Variants in RAPGEF1 observed in about 807,000 individuals in gnomAD.
The protein encoded by RAPGEF1 is Rap guanine nucleotide exchange factor 1, also known as CRK SH3-binding GNRP.
Under a neutral mutation model 143.3 loss-of-function variants are expected in RAPGEF1, and 33 were observed. That is an observed-to-expected ratio of 0.23 (90% confidence interval 0.17 to 0.31). The LOEUF is 0.31. Among genes scored for constraint, RAPGEF1 ranks in the 10% least tolerant of loss-of-function variants. The probability of loss-of-function intolerance (pLI) is 1.00; values close to 1 mark genes in which losing one functional copy is unlikely to be tolerated. For missense variants in RAPGEF1, 1,199 were observed against 1,645.4 expected, an observed-to-expected ratio of 0.73 and a Z score of 4.69; for synonymous variants, 629 against 676.5, an observed-to-expected ratio of 0.93 and a Z score of 1.09.
Position 131,634,114 on chromosome 9 carries a change from G to T in RAPGEF1, c.652-3790C>A, listed in dbSNP as rs117668203. ...CTGCCTCTACAAAAATTAGTTGGAC[G>T]TGGTGGCATGCACCTGTGGTCCCAG... On this transcript the variant is annotated intron_variant, in intron 5 of 26. Coordinates refer to ENST00000683357, the MANE Select transcript of RAPGEF1 (RefSeq NM_001377935.1). Among the ~76,000 whole-genome samples the T allele has an allele frequency of 3.4e-3, 511 of 152,220 alleles. 14 individuals are homozygous for T. Among genetic ancestry groups the T allele is most frequent in the Admixed American group, 0.029 (440 of 15,290 alleles).
intron 1 of RAPGEF1, among the ~76,000 whole-genome samples, chr9:131,670,782 G>T (rs767736112): frequency 3.3e-5 from 5 of 152,186 alleles, no homozygotes; most frequent in Non-Finnish European, 7.3e-5. Flanking sequence ...AAAAATAATG[G>T]GTTGGGGAAG....
intron 11 of RAPGEF1, among the ~76,000 whole-genome samples, chr9:131,620,098 C>T (rs561668861): frequency 6.6e-6 from 1 of 152,218 alleles, no homozygotes; most frequent in East Asian, 1.9e-4. Flanking sequence ...AACAGGCCTC[C>T]GGGGGCTGAG....
At chr9:131,637,225 A>G (rs1966610485) in intron 5 of RAPGEF1, among the ~76,000 whole-genome samples, 2 of 150,648 alleles carry the variant, frequency 1.3e-5, no homozygotes, top group South Asian at 4.2e-4. Flanking sequence ...ATTCCGTCTC[A>G]GAGAAAAAAA....
Position 131,628,755 on chromosome 9 carries a change from G to A in RAPGEF1, c.894-83C>T. On this transcript the variant is annotated intron_variant, in intron 7 of 26. Coordinates refer to ENST00000683357, the MANE Select transcript of RAPGEF1 (RefSeq NM_001377935.1). This position sits in a 1 kb window ranked among gnomAD's most constrained non-coding sequence, Gnocchi z 5.7. ...GTGATATTGGGGTACAGGATGTGGG[G>A]TTCTTTCATTACTAGACTCTCCACA... The A allele has an allele frequency of 4.7e-6, 7 of 1,495,364 alleles. No homozygotes were observed. Among genetic ancestry groups the A allele is most frequent in the Non-Finnish European group, 6.3e-6 (7 of 1,114,286 alleles). 92.6% of individuals were successfully genotyped at this position (1,495,364 alleles called of 1,614,324 possible).
At chr9:131,579,668 CA>C (rs1310374470) in intron 26 of RAPGEF1, 21 bp from the exon 27 acceptor site, 2 of 1,611,200 alleles carry the variant, frequency 1.2e-6, no homozygotes, top group African/African-American at 2.7e-5. Context: ...GGATGGGGAG[CA>C]GTCAGTGAGC....
chr9:131,720,879 CA>C (rs1836214957), intron 1 of RAPGEF1, among the ~76,000 whole-genome samples: 1 of 152,170 alleles, frequency 6.6e-6, no homozygotes, highest in Non-Finnish European at 1.5e-5. Context: ...CTTAAATTGA[CA>C]AAAATACTAA....
intron 17 of RAPGEF1, among the ~76,000 whole-genome samples, chr9:131,592,708 C>T (rs1442150437): frequency 6.6e-6 from 1 of 152,086 alleles, no homozygotes; most frequent in Non-Finnish European, 1.5e-5. Flanking sequence ...TCAGCAGGAT[C>T]CTGAAATGAA....
At chr9:131,614,736 G>A (rs1157602694) in intron 12 of RAPGEF1, among the ~76,000 whole-genome samples, 10 of 152,194 alleles carry the variant, frequency 6.6e-5, no homozygotes, top group African/African-American at 2.4e-5. Flanking sequence ...CTCAGAAAAC[G>A]ACTGTTTTGC....
intron 1 of RAPGEF1, among the ~76,000 whole-genome samples, chr9:131,672,489 G>A (rs541352395): frequency 1.3e-5 from 2 of 152,308 alleles, no homozygotes; most frequent in South Asian, 2.1e-4. Context: ...GGGTCTCTGG[G>A]GAAGGGACCC....
chr9:131,631,404 C>T (rs942070819), intron 5 of RAPGEF1, among the ~76,000 whole-genome samples: 4 of 152,360 alleles, frequency 2.6e-5, no homozygotes, highest in East Asian at 1.9e-4. Flanking sequence ...CTCCGTCCCC[C>T]GAGCTCAGCG....
intron 12 of RAPGEF1, among the ~76,000 whole-genome samples, chr9:131,614,149 C>A (rs952941015): frequency 3.3e-5 from 5 of 151,922 alleles, no homozygotes; most frequent in South Asian, 2.1e-4. Context: ...CACCCCCCCC[C>A]AAGGAGGGGC....
Position 131,584,572 on chromosome 9 carries a change from C to G in RAPGEF1, c.3258G>C (p.Gln1086His), listed in dbSNP as rs1194000623. 4 of 1,613,982 alleles carry G rather than the reference C, an allele frequency of 2.5e-6. No homozygotes were observed. The South Asian group carries it at 3.3e-5, about 13-fold the overall frequency. Residue 1086 changes from glutamine (Q) to histidine (H), a missense_variant, in exon 23 of 27, where the codon CAG becomes CAC. By Grantham distance (24) the Gln-to-His change is conservative (BLOSUM62 0). Coordinates refer to ENST00000683357, the MANE Select transcript of RAPGEF1 (RefSeq NM_001377935.1). The surrounding 1 kb of genome is among the most constrained non-coding windows in gnomAD (Gnocchi z 6.8). ...GCCGTTCCCTGTCCTGGGCCTTTTC[C>G]TGTAACATGATTATGGACCGGACCC... ...SYWVRSIIML[Q>H]EKAQDRERLL...
chr9:131,739,086 G>A (rs1291712053), intron 1 of RAPGEF1, among the ~76,000 whole-genome samples: 1 of 152,164 alleles, frequency 6.6e-6, no homozygotes, highest in African/African-American at 2.4e-5. Context: ...AATCTTTGGA[G>A]ACTCTATTTC....
intron 12 of RAPGEF1, among the ~76,000 whole-genome samples, chr9:131,612,856 G>T (rs983479235): frequency 5.9e-5 from 9 of 152,338 alleles, no homozygotes; most frequent in Non-Finnish European, 8.8e-5. Flanking sequence ...GTCAGACACA[G>T]CAGCCAGAGC....
intron 1 of RAPGEF1, among the ~76,000 whole-genome samples, chr9:131,694,145 C>G (rs561453434): frequency 6.6e-6 from 1 of 152,162 alleles, no homozygotes; most frequent in Non-Finnish European, 1.5e-5. Context: ...CACATTTCAC[C>G]TACTTTACTC....
At chr9:131,670,064 A>G (rs1475380750) in intron 1 of RAPGEF1, among the ~76,000 whole-genome samples, 1 of 152,198 alleles carries the variant, frequency 6.6e-6, no homozygotes, top group Non-Finnish European at 1.5e-5. Context: ...CCTCCAATAC[A>G]GGTACCACTG....
In RAPGEF1 at chr9:131,736,681, G is replaced by A. The variant is rs189852031; in HGVS notation, c.61+3089C>T. ...AACAGGCCAGAGCTGCACACTATGC[G>A]GGATGTGAAGGGGTTTCCTGTTTAC... is the stretch of plus-strand genomic sequence containing the variant. On this transcript the variant is annotated intron_variant, in intron 1 of 26. Coordinates refer to ENST00000683357, the MANE Select transcript of RAPGEF1 (RefSeq NM_001377935.1). Among the ~76,000 whole-genome samples the A allele has an allele frequency of 3.0e-3, 457 of 152,300 alleles. 2 individuals are homozygous for A. Among genetic ancestry groups the A allele is most frequent in the Middle Eastern group, 0.017 (5 of 294 alleles).
At chr9:131,644,943 G>T (rs1969136227) in intron 3 of RAPGEF1, among the ~76,000 whole-genome samples, 1 of 152,226 alleles carries the variant, frequency 6.6e-6, no homozygotes. Context: ...AAAAGACCCA[G>T]TCATTTCTTT....
At position 131,709,219 on chromosome 9, in the gene RAPGEF1, T is replaced by C. The variant is rs184570212; in HGVS notation, c.61+30551A>G. 3.0e-3 allele frequency among the ~76,000 whole-genome samples: 462 copies of C among 152,172 alleles called. 11 individuals carry two copies. Among genetic ancestry groups the C allele is most frequent in the Admixed American group, 0.027 (415 of 15,288 alleles). ...AAAATCAGCTGGGCGTGGTGGCGGG[T>C]GCCTGTAATCCTAGCAACTCAGGAG... On this transcript the variant is annotated intron_variant, in intron 1 of 26. Transcript: ENST00000683357.
Sources: gnomAD v4.1 joint callset for allele counts (sites outside exome capture counted in the v4.1 genomes callset) on GRCh38, gnomAD v4.1.1 for gene constraint, Gnocchi (gnomAD v3.1) non-coding constraint, MANE v1.5 for transcripts, NCBI Gene and HGNC (gene_info 2026-07-23, HGNC 2026-07-21) for gene names.